SPATA6L: variants seen among roughly 807,000 people sequenced by gnomAD.
The protein encoded by SPATA6L is spermatogenesis associated 6-like protein.
SPATA6L carries 68 observed loss-of-function variants against 49.2 expected under a neutral mutation model. The observed-to-expected ratio is 1.38, with a 90% CI of 1.14 to 1.69. The LOEUF is 1.69. Ranked by LOEUF, SPATA6L falls within the 40% of genes most tolerant of loss-of-function variation. The pLI, the probability that SPATA6L is intolerant of heterozygous loss-of-function variation, is 0.00. For missense variants in SPATA6L, 668 were observed against 464.3 expected, an observed-to-expected ratio of 1.44 and a Z score of -4.03; for synonymous variants, 198 against 165.7, an observed-to-expected ratio of 1.19 and a Z score of -1.50.
intron 7 of SPATA6L, among the ~76,000 whole-genome samples, chr9:4,620,378 TC>T (rs531608779): frequency 7.9e-5 from 12 of 152,166 alleles, no homozygotes; most frequent in Non-Finnish European, 1.6e-4. Context: ...CTGCCATCAT[TC>T]CCTTGCTTCT....
chr9:4,633,565 G>A (rs990561162), intron 4 of SPATA6L: 13 of 191,596 alleles, frequency 6.8e-5, no homozygotes, highest in Non-Finnish European at 1.1e-4. Flanking sequence ...TCAGTGTCTC[G>A]TTACTCCACA....
At chr9:4,621,748 G>A (rs79907076) in intron 7 of SPATA6L, among the ~76,000 whole-genome samples, 7,725 of 152,190 alleles carry the variant, frequency 0.051, 297 homozygotes, top group Middle Eastern at 0.088. Context: ...TCGGCCTCCC[G>A]AAGTGCTGGG....
intron 9 of SPATA6L, 150 bp from the exon 10 acceptor site, chr9:4,605,590 T>A: frequency 1.7e-6 from 1 of 589,474 alleles, no homozygotes. Flanking sequence ...TTCAATGTCT[T>A]TCTTAAACCT....
chr9:4,656,952 A>G (rs1410697293), intron 2 of SPATA6L, among the ~76,000 whole-genome samples: 1 of 150,266 alleles, frequency 6.7e-6, no homozygotes, highest in South Asian at 2.1e-4. Flanking sequence ...CTACACTCCC[A>G]TAGAATAAGG....
intron 6 of SPATA6L, chr9:4,625,067 A>G: frequency 2.4e-6 from 1 of 421,526 alleles, no homozygotes. Flanking sequence ...TAGGCATTAT[A>G]CTCTGTTAAT....
At chr9:4,609,857 T>A in intron 9 of SPATA6L, among the ~76,000 whole-genome samples, 1 of 152,024 alleles carries the variant, frequency 6.6e-6, no homozygotes, top group Non-Finnish European at 1.5e-5. Flanking sequence ...AGTCAAATTG[T>A]CCCTGTTTGC....
intron 2 of SPATA6L, among the ~76,000 whole-genome samples, chr9:4,657,561 GA>G (rs113224151): frequency 1.4e-4 from 21 of 151,606 alleles, no homozygotes; most frequent in Non-Finnish European, 2.4e-4. Flanking sequence ...AAAAAGAAAA[GA>G]AAAAAAACTT....
chr9:4,604,781 T>C (rs1418049701), intron 10 of SPATA6L, among the ~76,000 whole-genome samples: 2 of 152,324 alleles, frequency 1.3e-5, no homozygotes, highest in Admixed American at 6.5e-5. Flanking sequence ...TGTTGTCCTA[T>C]ATTTGAATTC....
At chr9:4,622,913 G>A (rs1829650995) in intron 6 of SPATA6L, among the ~76,000 whole-genome samples, 1 of 152,148 alleles carries the variant, frequency 6.6e-6, no homozygotes, top group Non-Finnish European at 1.5e-5. Flanking sequence ...GACAGCAAGG[G>A]ATTCCCATAA....
intron 6 of SPATA6L, 149 bp from the exon 7 acceptor site, chr9:4,622,659 G>T (rs1476731593): frequency 1.7e-6 from 1 of 585,336 alleles, no homozygotes; most frequent in Non-Finnish European, 3.0e-6. Context: ...CAGTCTGCAA[G>T]TTTGTTACAT....
intron 5 of SPATA6L, 83 bp downstream of exon 5, chr9:4,629,008 T>A (rs1173753985): frequency 1.1e-6 from 1 of 902,730 alleles, no homozygotes; most frequent in Admixed American, 2.5e-5. Flanking sequence ...GTAAACTTAA[T>A]AAACTGAGTT....
chr9:4,649,691 C>A (rs574711245), intron 3 of SPATA6L, among the ~76,000 whole-genome samples: 1 of 152,316 alleles, frequency 6.6e-6, no homozygotes, highest in Non-Finnish European at 1.5e-5. Flanking sequence ...AATAACTACA[C>A]CTTTTAATTG....
chr9:4,622,560 A>G (rs770887158), intron 6 of SPATA6L, 50 bp from the exon 7 acceptor site: 2 of 1,243,978 alleles, frequency 1.6e-6, no homozygotes, highest in African/African-American at 1.5e-5. Context: ...AGCTTCTAGT[A>G]CCCTCCCCTC....
In SPATA6L at chr9:4,605,963, G is replaced by A. The variant is rs942918457; in HGVS notation, c.996-523C>T. 5.9e-5 allele frequency among the ~76,000 whole-genome samples: 9 copies of A among 152,294 alleles called. No homozygotes were observed. In the South Asian group the frequency reaches 1.0e-3, roughly 18 times the overall value. On this transcript the variant is annotated intron_variant, in intron 9 of 11. Transcript: ENST00000682582. ...AGGCCAGTGTGTGCGCGCACCGTGC[G>A]CGAGCCGAAGCAGGGCGAGGCATTG...
intron 3 of SPATA6L, among the ~76,000 whole-genome samples, chr9:4,641,097 C>A (rs1274148805): frequency 6.6e-6 from 1 of 152,090 alleles, no homozygotes; most frequent in African/African-American, 2.4e-5. Context: ...ACATATTCTG[C>A]AACTGACTTT....
In SPATA6L at chr9:4,621,944, C is replaced by A. The variant is rs1217733208; in HGVS notation, c.772+464G>T. On this transcript the variant is annotated intron_variant, in intron 7 of 11. Coordinates refer to ENST00000682582, the MANE Select transcript of SPATA6L (RefSeq NM_001353486.2). ...TAAAGGTTTAAGAACACTTTGCCTT[C>A]ATCTAACTGCTTCAGATAGAGTTGG... Among the ~76,000 whole-genome samples, 5 of 152,204 alleles carry A rather than the reference C, an allele frequency of 3.3e-5. No homozygotes were observed. In the East Asian group the frequency reaches 7.7e-4, roughly 23 times the overall value.
At chr9:4,626,693 T>G in intron 5 of SPATA6L, 1 of 653,614 alleles carries the variant, frequency 1.5e-6, no homozygotes, top group Non-Finnish European at 2.2e-6. Context: ...TTGGTGTGGT[T>G]TCCTGACTGG....
chr9:4,629,077 T>G lies in SPATA6L; in HGVS notation c.429+14A>C, dbSNP rs1830918420. 1 of 1,562,906 alleles carries G rather than the reference T, an allele frequency of 6.4e-7. No individual in the cohort carries two copies. The highest frequency in any genetic ancestry group is 8.7e-7 in the Non-Finnish European group (1 of 1,146,168). On this transcript the variant is annotated intron_variant, in intron 5 of 11. Coordinates refer to ENST00000682582, the MANE Select transcript of SPATA6L (RefSeq NM_001353486.2). Reference sequence around the variant, plus strand: ...ATCCGGTCATTTCTATCACTAGATTTGTATTGTACTTACAAGAAATCTGTT... The same window carrying G: ...ATCCGGTCATTTCTATCACTAGATTGGTATTGTACTTACAAGAAATCTGTT...
intron 9 of SPATA6L, among the ~76,000 whole-genome samples, chr9:4,613,199 G>C (rs1732027895): frequency 6.6e-6 from 1 of 151,246 alleles, no homozygotes; most frequent in East Asian, 1.9e-4. Context: ...CTGTACTCCA[G>C]CCTGGGTAAC....
Sources: allele counts gnomAD v4.1 joint callset (sites outside exome capture counted in the v4.1 genomes callset), GRCh38; gene constraint gnomAD v4.1.1; transcripts MANE v1.5; gene names NCBI Gene and HGNC (gene_info 2026-07-23, HGNC 2026-07-21).